PCDH15: variants seen among roughly 807,000 people sequenced by gnomAD.
PCDH15 encodes the protein protocadherin related 15.
Under a neutral mutation model 178.5 loss-of-function variants are expected in PCDH15, and 129 were observed. The ratio of observed to expected loss-of-function variants is 0.72; its 90% CI spans 0.63 to 0.84. The LOEUF is 0.84. Ranked by LOEUF, PCDH15 falls within the 40% of genes least tolerant of loss-of-function variation. PCDH15 has a pLI of 0.00. For synonymous variants in PCDH15, 800 were observed against 732.0 expected, an observed-to-expected ratio of 1.09 and a Z score of -1.50; for missense variants, 2,230 against 2,099.9, an observed-to-expected ratio of 1.06 and a Z score of -1.21.
chr10:54,166,954 C>T (rs557239900), intron 13 of PCDH15, among the ~76,000 whole-genome samples: 1 of 152,300 alleles, frequency 6.6e-6, no homozygotes, highest in African/African-American at 2.4e-5. Flanking sequence ...GAGAACAAAC[C>T]CCCTTTGACT....
intron 1 of PCDH15, among the ~76,000 whole-genome samples, chr10:55,177,593 T>G (rs902343500): frequency 3.3e-5 from 5 of 152,176 alleles, no homozygotes; most frequent in African/African-American, 1.2e-4. Flanking sequence ...ATAACTTAAC[T>G]GTTTATACCC....
chr10:55,399,773 G>T (rs557965728), intron 2 of PCDH15, among the ~76,000 whole-genome samples: 1 of 152,034 alleles, frequency 6.6e-6, no homozygotes, highest in East Asian at 1.9e-4. Flanking sequence ...GGGAGTAAAA[G>T]GCTTAAAGTA....
intron 3 of PCDH15, among the ~76,000 whole-genome samples, chr10:54,860,029 C>CA (rs1214866203): frequency 6.6e-6 from 1 of 152,064 alleles, no homozygotes; most frequent in African/African-American, 2.4e-5. Context: ...CAGTGCTAAG[C>CA]AAAAATGGTT....
chr10:55,128,060 G>A (rs1390038051), intron 2 of PCDH15, among the ~76,000 whole-genome samples: 1 of 152,002 alleles, frequency 6.6e-6, no homozygotes, highest in African/African-American at 2.4e-5. Context: ...CTTAGATTTA[G>A]AGAGTGTAGA....
At chr10:54,070,883 T>C (rs2094228216) in intron 17 of PCDH15, among the ~76,000 whole-genome samples, 1 of 152,176 alleles carries the variant, frequency 6.6e-6, no homozygotes, top group Non-Finnish European at 1.5e-5. Flanking sequence ...TGAGCCGCGA[T>C]ATCCAGCTCA....
intron 2 of PCDH15, among the ~76,000 whole-genome samples, chr10:54,969,719 A>G (rs183041055): frequency 6.6e-6 from 1 of 152,190 alleles, no homozygotes; most frequent in African/African-American, 2.4e-5. Context: ...GTAGCTCAAA[A>G]GTATCTTCAG....
At chr10:54,377,669 C>T (rs1024918805) in intron 4 of PCDH15, among the ~76,000 whole-genome samples, 7 of 152,066 alleles carry the variant, frequency 4.6e-5, no homozygotes, top group African/African-American at 1.7e-4. Context: ...GATTCAGGTT[C>T]ACTAAGCTGA....
intron 26 of PCDH15, among the ~76,000 whole-genome samples, chr10:53,894,121 T>C (rs962222784): frequency 5.3e-5 from 8 of 152,166 alleles, no homozygotes; most frequent in Admixed American, 1.3e-4. Context: ...ATATATAATG[T>C]CTTTAAGTTG....
At chr10:55,318,146 T>C (rs1159504219) in intron 1 of PCDH15, among the ~76,000 whole-genome samples, 2 of 152,130 alleles carry the variant, frequency 1.3e-5, no homozygotes, top group African/African-American at 4.8e-5. Context: ...TGGAACATTT[T>C]TATACCATAG....
chr10:55,359,939 C>T (rs1046143868), intron 2 of PCDH15, among the ~76,000 whole-genome samples: 19 of 151,526 alleles, frequency 1.3e-4, no homozygotes, highest in African/African-American at 3.9e-4. Context: ...CTAAAAAAGT[C>T]TAATTCATTT....
rs138968485 is a variant in PCDH15, at chr10:53,975,395, C to A, written c.2869-13503G>T. On this transcript the variant is annotated intron_variant, in intron 21 of 37. Coordinates refer to ENST00000644397, the MANE Select transcript of PCDH15 (RefSeq NM_001384140.1). ...CAGTGGCTGAATTAATTTACATTCC[C>A]ACCAACAATGAATAAGTGTTTTTTT... Among the ~76,000 whole-genome samples the A allele has an allele frequency of 2.9e-3, 445 of 152,258 alleles. 1 individual carries two copies. The highest frequency in any genetic ancestry group is 0.01 in the African/African-American group (420 of 41,544).
intron 2 of PCDH15, among the ~76,000 whole-genome samples, chr10:55,510,929 T>A (rs953998840): frequency 6.6e-6 from 1 of 151,334 alleles, no homozygotes; most frequent in Non-Finnish European, 1.5e-5. Context: ...GGAGTGATCG[T>A]GGCTTACTAA....
At chr10:53,922,280 C>T (rs369815756) in intron 25 of PCDH15, among the ~76,000 whole-genome samples, 6 of 151,682 alleles carry the variant, frequency 4.0e-5, no homozygotes, top group Non-Finnish European at 4.4e-5. Flanking sequence ...TTGTGTGGTT[C>T]GAACATATCA....
chr10:54,848,775 C>T (rs1371668509), intron 3 of PCDH15, among the ~76,000 whole-genome samples: 2 of 152,134 alleles, frequency 1.3e-5, no homozygotes, highest in African/African-American at 2.4e-5. Flanking sequence ...ATATTTATTT[C>T]ATTCAATCTT....
At chr10:54,874,783 C>T (rs1465123166) in intron 3 of PCDH15, among the ~76,000 whole-genome samples, 1 of 152,004 alleles carries the variant, frequency 6.6e-6, no homozygotes, top group African/African-American at 2.4e-5. Context: ...ATTTTTATTA[C>T]TTAAACAAAT....
At chr10:54,512,362 TGTGTGTGTGTGTGTG>T in intron 3 of PCDH15, among the ~76,000 whole-genome samples, 1 of 83,958 alleles carries the variant, frequency 1.2e-5, no homozygotes, top group East Asian at 3.2e-4. Flanking sequence ...TCTGGCATTG[TGTGTGTGTGTGTGTG>T]TGTGTGTGTG....
chr10:54,259,070 T>C lies in PCDH15; in HGVS notation c.877-22139A>G, dbSNP rs545868191. Among the ~76,000 whole-genome samples the C allele has an allele frequency of 1.5e-3, 227 of 152,260 alleles. 1 individual carries two copies. Among genetic ancestry groups the C allele is most frequent in the African/African-American group, 5.1e-3 (210 of 41,542 alleles). On this transcript the variant is annotated intron_variant, in intron 8 of 37. Coordinates refer to ENST00000644397, the MANE Select transcript of PCDH15 (RefSeq NM_001384140.1). ...AAATCTTCTTGAGAAATTATGAAAC[T>C]TCTAAATTTGAGGAGATAGTGACCT...
At chr10:54,701,932 A>T (rs1013449717) in intron 1 of PCDH15, among the ~76,000 whole-genome samples, 1 of 152,104 alleles carries the variant, frequency 6.6e-6, no homozygotes, top group Non-Finnish European at 1.5e-5. Context: ...TTGGAACCTG[A>T]ACTTGACACT....
chr10:54,262,748 G>A (rs1242102226), intron 8 of PCDH15, among the ~76,000 whole-genome samples: 1 of 152,178 alleles, frequency 6.6e-6, no homozygotes, highest in African/African-American at 2.4e-5. Flanking sequence ...CCCTCCCTTT[G>A]CAAGACCAGA....
Sources: gnomAD v4.1 joint callset for allele counts (sites outside exome capture counted in the v4.1 genomes callset) on GRCh38, gnomAD v4.1.1 for gene constraint, MANE v1.5 for transcripts, NCBI Gene and HGNC (gene_info 2026-07-23, HGNC 2026-07-21) for gene names.